Variants in NYAP2 observed in about 807,000 individuals in gnomAD.
The protein encoded by NYAP2 is neuronal tyrosine-phosphorylated phosphoinositide-3-kinase adapter 2.
A neutral mutation model predicts 50.4 loss-of-function variants in NYAP2; 23 were observed. That is an observed-to-expected ratio of 0.46 (90% confidence interval 0.33 to 0.65). The LOEUF (loss-of-function observed/expected upper bound fraction) is 0.65. Among genes scored for constraint, NYAP2 ranks in the 30% least tolerant of loss-of-function variants. The pLI, the probability that NYAP2 is intolerant of heterozygous loss-of-function variation, is 0.02. For synonymous variants in NYAP2, 394 were observed against 365.2 expected, an observed-to-expected ratio of 1.08 and a Z score of -0.90; for missense variants, 885 against 861.0, an observed-to-expected ratio of 1.03 and a Z score of -0.35.
At chr2:225,517,556 A>C (rs552620123) in intron 4 of NYAP2, among the ~76,000 whole-genome samples, 6 of 152,310 alleles carry the variant, frequency 3.9e-5, no homozygotes, top group Non-Finnish European at 8.8e-5. Context: ...CTTTAAAGTG[A>C]TTGTGAATAA....
At chr2:225,611,959 A>G (rs12615891) in intron 5 of NYAP2, among the ~76,000 whole-genome samples, 76,775 of 150,214 alleles carry the variant, frequency 0.51, 20,245 homozygotes, top group South Asian at 0.67. Flanking sequence ...CTTGTCTTTT[A>G]TAAAAAATCA....
intron 3 of NYAP2, among the ~76,000 whole-genome samples, chr2:225,490,117 T>G (rs1336112212): frequency 5.9e-5 from 9 of 152,192 alleles, no homozygotes; most frequent in Non-Finnish European, 1.3e-4. Context: ...GTGTTTGACT[T>G]GACTATGAAT....
chr2:225,620,389 A>G (rs1043227412), intron 5 of NYAP2, among the ~76,000 whole-genome samples: 1 of 151,886 alleles, frequency 6.6e-6, no homozygotes, highest in African/African-American at 2.4e-5. Flanking sequence ...ACCCACACGC[A>G]CGCACGCACA....
chr2:225,453,834 AT>A (rs766421405), intron 3 of NYAP2, among the ~76,000 whole-genome samples: 17,882 of 126,530 alleles, frequency 0.14, 2,293 homozygotes, highest in African/African-American at 0.36. Context: ...CGCCCGGCTA[AT>A]TTTTTTTTTT....
At chr2:225,525,727 T>C (rs1256710948) in intron 4 of NYAP2, among the ~76,000 whole-genome samples, 2 of 152,144 alleles carry the variant, frequency 1.3e-5, no homozygotes, top group Non-Finnish European at 2.9e-5. Flanking sequence ...CAGATCTTGG[T>C]TTCATATCAG....
chr2:225,563,150 AGT>A (rs1419257111), intron 4 of NYAP2, among the ~76,000 whole-genome samples: 1 of 152,168 alleles, frequency 6.6e-6, no homozygotes, highest in African/African-American at 2.4e-5. Context: ...AGACAAACAC[AGT>A]CTCTCTATCT....
At chr2:225,670,084 T>C in the NYAP2 span, among the ~76,000 whole-genome samples, 1 of 152,186 alleles carries the variant, frequency 6.6e-6, no homozygotes, top group Non-Finnish European at 1.5e-5. Context: ...CAGGCCCTAC[T>C]TTGGAAGGTT....
intron 3 of NYAP2, among the ~76,000 whole-genome samples, chr2:225,494,995 A>G (rs899126894): frequency 3.9e-5 from 6 of 152,214 alleles, no homozygotes; most frequent in Non-Finnish European, 7.3e-5. Flanking sequence ...TGGCAACAAG[A>G]TATTCAAACA....
intron 3 of NYAP2, among the ~76,000 whole-genome samples, chr2:225,504,529 A>T (rs377520455): frequency 6.6e-6 from 1 of 152,174 alleles, no homozygotes; most frequent in East Asian, 1.9e-4. Context: ...TTACTTTATA[A>T]CAACCCTGGA....
At chr2:225,617,176 C>G (rs2106251109) in intron 5 of NYAP2, among the ~76,000 whole-genome samples, 2 of 152,318 alleles carry the variant, frequency 1.3e-5, no homozygotes, top group Middle Eastern at 6.8e-3. Context: ...CCTGTAATCT[C>G]AGCACTTTGG....
At chr2:225,687,074 T>C in the NYAP2 span, among the ~76,000 whole-genome samples, 3 of 152,310 alleles carry the variant, frequency 2.0e-5, no homozygotes, top group South Asian at 4.1e-4. Flanking sequence ...CAATCTGCTA[T>C]AATACTGAGT....
the NYAP2 span, among the ~76,000 whole-genome samples, chr2:225,675,610 A>G: frequency 6.6e-6 from 1 of 152,256 alleles, no homozygotes; most frequent in Non-Finnish European, 1.5e-5. Context: ...CAATGAACAT[A>G]TCGTGCATGT....
intron 4 of NYAP2, among the ~76,000 whole-genome samples, chr2:225,516,890 T>A (rs1301971620): frequency 1.3e-5 from 2 of 152,132 alleles, no homozygotes; most frequent in Non-Finnish European, 2.9e-5. Flanking sequence ...TGTCTTTTCT[T>A]TTTACATTAA....
intron 6 of NYAP2, among the ~76,000 whole-genome samples, chr2:225,637,297 GA>G (rs1348338808): frequency 6.6e-6 from 1 of 152,104 alleles, no homozygotes; most frequent in Non-Finnish European, 1.5e-5. Flanking sequence ...TACGCAACAG[GA>G]ACAGCAAACC....
chr2:225,434,412 T>C (rs918672874), intron 3 of NYAP2, among the ~76,000 whole-genome samples: 9 of 152,228 alleles, frequency 5.9e-5, no homozygotes, highest in Non-Finnish European at 1.2e-4. Context: ...CTGGCTGTTC[T>C]TAGAGTTTAG....
At chr2:225,614,011 G>T (rs988818736) in intron 5 of NYAP2, among the ~76,000 whole-genome samples, 2 of 152,112 alleles carry the variant, frequency 1.3e-5, no homozygotes, top group Non-Finnish European at 2.9e-5. Context: ...TGTCATAGAA[G>T]TATACAAGTT....
At chr2:225,586,978 G>A (rs768696624) in intron 5 of NYAP2, among the ~76,000 whole-genome samples, 22 of 152,272 alleles carry the variant, frequency 1.4e-4, no homozygotes, top group African/African-American at 2.6e-4. Flanking sequence ...GATGGAAGGC[G>A]GAGGGGAAGC....
downstream of NYAP2, among the ~76,000 whole-genome samples, chr2:225,655,999 A>G (rs1202640309): frequency 6.6e-6 from 1 of 151,548 alleles, no homozygotes; most frequent in African/African-American, 2.4e-5. Flanking sequence ...TTTTTTTTAC[A>G]GCAGATTCTC....
At chr2:225,531,621 G>T (rs1482833551) in intron 4 of NYAP2, among the ~76,000 whole-genome samples, 7 of 152,164 alleles carry the variant, frequency 4.6e-5, no homozygotes, top group Non-Finnish European at 8.8e-5. Flanking sequence ...AGTCTTTCAG[G>T]AGACTAATTA....
Sources: allele counts gnomAD v4.1 joint callset (sites outside exome capture counted in the v4.1 genomes callset), GRCh38; gene constraint gnomAD v4.1.1; transcripts MANE v1.5; gene names NCBI Gene and HGNC (gene_info 2026-07-23, HGNC 2026-07-21).